Variants in PACRG observed in about 807,000 individuals in gnomAD.
The protein encoded by PACRG is parkin coregulated.
PACRG carries 29 observed loss-of-function variants against 29.7 expected under a neutral mutation model. The ratio of observed to expected loss-of-function variants is 0.98; its 90% CI spans 0.73 to 1.33. PACRG has a LOEUF of 1.33. Among genes scored for constraint, PACRG ranks in the 40% most tolerant of loss-of-function variants. PACRG has a pLI of 0.00. For synonymous variants in PACRG, 116 were observed against 118.7 expected (o/e 0.98, Z 0.15); for missense variants, 279 against 316.2 (o/e 0.88, Z 0.89).
intron 2 of PACRG, among the ~76,000 whole-genome samples, chr6:162,973,590 C>G (rs575549822): frequency 1.4e-4 from 21 of 152,202 alleles, no homozygotes; most frequent in African/African-American, 4.8e-4. Context: ...TTTTGAGATT[C>G]CCTTCTACCA....
At chr6:162,875,492 C>T (rs577348826) in intron 2 of PACRG, among the ~76,000 whole-genome samples, 12 of 152,344 alleles carry the variant, frequency 7.9e-5, no homozygotes, top group Non-Finnish European at 1.8e-4. Flanking sequence ...TCACCTGCAC[C>T]ATCTGTGTAG....
At chr6:162,930,662 T>G (rs973697455) in intron 2 of PACRG, among the ~76,000 whole-genome samples, 3 of 152,036 alleles carry the variant, frequency 2.0e-5, no homozygotes, top group African/African-American at 7.2e-5. Context: ...CATCCTTTTC[T>G]TGTTCCATAT....
chr6:163,292,545 C>A lies in PACRG; in HGVS notation c.614-22282C>A, dbSNP rs908830428. Among the ~76,000 whole-genome samples the A allele has an allele frequency of 3.9e-5, 6 of 152,062 alleles. 1 individual carries two copies. The highest frequency in any genetic ancestry group is 1.4e-4 in the African/African-American group (6 of 41,502). ...CCTCCTGAGTAGCTGGGATTACAGG[C>A]ATCTGCCACCACGCCCAGCTAATTT... On this transcript the variant is annotated intron_variant, in intron 4 of 4. Coordinates refer to ENST00000366888, the MANE Select transcript of PACRG (RefSeq NM_001080379.2).
chr6:163,298,636 G>T (rs576032501), intron 4 of PACRG, among the ~76,000 whole-genome samples: 1 of 152,200 alleles, frequency 6.6e-6, no homozygotes, highest in Non-Finnish European at 1.5e-5. Flanking sequence ...TCTGGAGGTA[G>T]ACTTAATGTC....
At chr6:163,102,346 C>G (rs1815142947) in intron 4 of PACRG, among the ~76,000 whole-genome samples, 1 of 152,184 alleles carries the variant, frequency 6.6e-6, no homozygotes, top group African/African-American at 2.4e-5. Context: ...GCTGTTTAGG[C>G]TTAATGCTCT....
chr6:163,016,317 A>G (rs886905141), intron 2 of PACRG: 1 of 152,184 alleles, frequency 6.6e-6, no homozygotes, highest in African/African-American at 2.4e-5. Flanking sequence ...TTAAAGAGGG[A>G]TGGACAAGAT....
At chr6:163,076,364 C>T (rs1213545682) in intron 3 of PACRG, among the ~76,000 whole-genome samples, 1 of 152,168 alleles carries the variant, frequency 6.6e-6, no homozygotes, top group Non-Finnish European at 1.5e-5. Flanking sequence ...GAGGCCCTCG[C>T]TTCCAAGATC....
Position 162,926,510 on chromosome 6 carries a change from C to G in PACRG, c.291+112229C>G, listed in dbSNP as rs1797451321. 6.6e-5 allele frequency among the ~76,000 whole-genome samples: 10 copies of G among 152,098 alleles called. No individual in the cohort carries two copies. The South Asian group carries it at 2.1e-3, about 31-fold the overall frequency. On this transcript the variant is annotated intron_variant, in intron 2 of 4. Transcript: ENST00000366888. ...CAGAAATAAGACCACACATCTACAA[C>G]CATCTGATGTTCAACAAACCTGGCA...
In PACRG at chr6:163,239,776, CCACACA is replaced by C. The variant is rs369286078; in HGVS notation, c.614-75041_614-75036del. On this transcript the variant is annotated intron_variant, in intron 4 of 4. Coordinates refer to ENST00000366888, the MANE Select transcript of PACRG (RefSeq NM_001080379.2). ...TGCACACACACTCACACCTCCACCC[CCACACA>C]CACACACACTCACACATTCACACTC... Among the ~76,000 whole-genome samples the C allele has an allele frequency of 1.4e-4, 20 of 145,050 alleles. 1 individual carries two copies. The highest frequency in any genetic ancestry group is 1.4e-3 in the Admixed American group (20 of 14,590).
chr6:163,208,367 T>C (rs1780993737), intron 4 of PACRG, among the ~76,000 whole-genome samples: 2 of 152,100 alleles, frequency 1.3e-5, no homozygotes, highest in South Asian at 2.1e-4. Context: ...GTATACAAAT[T>C]AGAAAAAGGA....
chr6:163,307,765 C>A (rs1263003127), intron 4 of PACRG, among the ~76,000 whole-genome samples: 3 of 152,190 alleles, frequency 2.0e-5, no homozygotes, highest in Admixed American at 1.3e-4. Context: ...AGAAGCATTT[C>A]TTTAGGATTC....
chr6:162,880,761 A>G (rs1584636721), intron 2 of PACRG, among the ~76,000 whole-genome samples: 1 of 152,224 alleles, frequency 6.6e-6, no homozygotes, highest in African/African-American at 2.4e-5. Context: ...AGTAAAAAAT[A>G]AATTGCACCT....
intron 4 of PACRG, among the ~76,000 whole-genome samples, chr6:163,199,322 A>G (rs1240448442): frequency 5.3e-5 from 8 of 152,218 alleles, no homozygotes. Context: ...ATAAGAAACT[A>G]GAGATTCTAA....
chr6:162,914,306 AT>A (rs988403619), intron 2 of PACRG, among the ~76,000 whole-genome samples: 25 of 152,018 alleles, frequency 1.6e-4, no homozygotes, highest in African/African-American at 5.8e-4. Flanking sequence ...TGTTAGAAAG[AT>A]TATTCTTTCC....
chr6:163,115,250 C>T (rs1815922081), intron 4 of PACRG, among the ~76,000 whole-genome samples: 1 of 152,048 alleles, frequency 6.6e-6, no homozygotes, highest in Non-Finnish European at 1.5e-5. Context: ...GGGCTGGATT[C>T]TGTGGGGTGG....
chr6:163,265,380 C>T (rs573328733), intron 4 of PACRG, among the ~76,000 whole-genome samples: 8 of 152,216 alleles, frequency 5.3e-5, no homozygotes, highest in Admixed American at 2.6e-4. Context: ...TGCCCGGGCT[C>T]CCTTCTTCTC....
At chr6:162,866,378 G>T (rs1734577421) in intron 2 of PACRG, among the ~76,000 whole-genome samples, 1 of 152,050 alleles carries the variant, frequency 6.6e-6, no homozygotes, top group South Asian at 2.1e-4. Flanking sequence ...CCCTTTTCCA[G>T]AAATCTTCTA....
At chr6:162,735,552 C>G (rs1780099002) in intron 1 of PACRG, among the ~76,000 whole-genome samples, 1 of 151,974 alleles carries the variant, frequency 6.6e-6, no homozygotes, top group Non-Finnish European at 1.5e-5. Flanking sequence ...ATTGAAGTGT[C>G]TTTTTAAGAC....
intron 2 of PACRG, among the ~76,000 whole-genome samples, chr6:162,839,124 G>A (rs1275438756): frequency 6.5e-4 from 86 of 132,604 alleles, no homozygotes; most frequent in Admixed American, 1.0e-3. Flanking sequence ...GCGATGGCTG[G>A]GTCAAATGGT....
Sources: gnomAD v4.1 joint callset for allele counts (sites outside exome capture counted in the v4.1 genomes callset) on GRCh38, gnomAD v4.1.1 for gene constraint, MANE v1.5 for transcripts, NCBI Gene and HGNC (gene_info 2026-07-23, HGNC 2026-07-21) for gene names.